The following ASIC2 variants were observed in gnomAD, a reference collection of about 807,000 sequenced individuals.
The protein encoded by ASIC2 is acid sensing ion channel subunit 2.
ASIC2 carries 25 observed loss-of-function variants against 57.3 expected under a neutral mutation model. That is an observed-to-expected ratio of 0.44 (90% CI 0.32 to 0.61). The LOEUF (loss-of-function observed/expected upper bound fraction) is 0.61, where lower values mean the gene tolerates loss of function less well. ASIC2 is among the 20% of genes least tolerant of loss of function. The probability of loss-of-function intolerance (pLI) is 0.06; values close to 1 mark genes in which losing one functional copy is unlikely to be tolerated. For synonymous variants in ASIC2, 319 were observed against 307.5 expected, an observed-to-expected ratio of 1.04 and a Z score of -0.39; for missense variants, 641 against 738.1, an observed-to-expected ratio of 0.87 and a Z score of 1.52.
chr17:33,031,929 T>C (rs2091885424), intron 3 of ASIC2, among the ~76,000 whole-genome samples: 1 of 152,232 alleles, frequency 6.6e-6, no homozygotes, highest in Non-Finnish European at 1.5e-5. Context: ...ACTATTTATC[T>C]TTTTCCATCT....
chr17:33,143,647 G>A (rs956083551), intron 1 of ASIC2, among the ~76,000 whole-genome samples: 2 of 152,046 alleles, frequency 1.3e-5, no homozygotes, highest in African/African-American at 4.8e-5. Flanking sequence ...CTATACTACC[G>A]AATCTTTTAC....
chr17:33,179,690 G>C (rs1905899976), intron 1 of ASIC2, among the ~76,000 whole-genome samples: 1 of 152,192 alleles, frequency 6.6e-6, no homozygotes, highest in Non-Finnish European at 1.5e-5. Context: ...TGAAGAGTCT[G>C]AGATTACAAA....
chr17:34,106,436 A>C (rs893632956), intron 1 of ASIC2, among the ~76,000 whole-genome samples: 1 of 151,932 alleles, frequency 6.6e-6, no homozygotes, highest in Non-Finnish European at 1.5e-5. Context: ...AAGCTCCAGC[A>C]CTCCTTCCAT....
intron 1 of ASIC2, among the ~76,000 whole-genome samples, chr17:33,754,104 C>A (rs936107812): frequency 1.3e-5 from 2 of 152,096 alleles, no homozygotes; most frequent in Non-Finnish European, 2.9e-5. Flanking sequence ...CCTTCCTCCA[C>A]CCCAGCCTCC....
At chr17:34,039,303 G>A in intron 1 of ASIC2, 1 of 1,613,964 alleles carries the variant, frequency 6.2e-7, no homozygotes, top group Middle Eastern at 1.7e-4. Flanking sequence ...AATGCTCTGT[G>A]TTGCCAGATC....
chr17:33,933,091 G>A (rs2141973060), intron 1 of ASIC2, among the ~76,000 whole-genome samples: 1 of 152,234 alleles, frequency 6.6e-6, no homozygotes, highest in African/African-American at 2.4e-5. Flanking sequence ...TATGTCTCCT[G>A]GAGCTCCAGT....
At chr17:33,200,193 G>A (rs1220944577) in intron 1 of ASIC2, among the ~76,000 whole-genome samples, 1 of 152,126 alleles carries the variant, frequency 6.6e-6, no homozygotes, top group Non-Finnish European at 1.5e-5. Flanking sequence ...CACTGAAATG[G>A]CTTTTTCTTC....
At chr17:33,711,697 G>A (rs116070442) in intron 1 of ASIC2, among the ~76,000 whole-genome samples, 174 of 152,194 alleles carry the variant, frequency 1.1e-3, no homozygotes, top group African/African-American at 4.2e-3. Context: ...AGTGAAGGGG[G>A]AAATGCCACT....
chr17:33,985,137 T>C (rs573456927), intron 1 of ASIC2, among the ~76,000 whole-genome samples: 7 of 152,252 alleles, frequency 4.6e-5, no homozygotes, highest in African/African-American at 1.4e-4. Flanking sequence ...CATGATGAAT[T>C]ATTAAAGGCA....
intron 1 of ASIC2, among the ~76,000 whole-genome samples, chr17:34,147,824 A>C (rs1347524113): frequency 2.0e-5 from 3 of 152,196 alleles, no homozygotes; most frequent in Non-Finnish European, 2.9e-5. Context: ...CTCAGGTGGT[A>C]TCGTTTTAGT....
chr17:33,362,015 G>T (rs996551854), intron 1 of ASIC2, among the ~76,000 whole-genome samples: 1 of 152,078 alleles, frequency 6.6e-6, no homozygotes, highest in Admixed American at 6.6e-5. Flanking sequence ...AAATTTAGAG[G>T]TTGGCACTAG....
intron 1 of ASIC2, among the ~76,000 whole-genome samples, chr17:33,656,448 A>G (rs1269944241): frequency 6.6e-6 from 1 of 152,174 alleles, no homozygotes; most frequent in Non-Finnish European, 1.5e-5. Flanking sequence ...GCCTAAGACC[A>G]ACACGTTCCT....
At chr17:34,066,347 C>G (rs1410554657) in intron 1 of ASIC2, among the ~76,000 whole-genome samples, 1 of 152,186 alleles carries the variant, frequency 6.6e-6, no homozygotes, top group South Asian at 2.1e-4. Flanking sequence ...TTAGAACCAC[C>G]TGGGGAGTTC....
At chr17:33,200,768 G>C (rs912687781) in intron 1 of ASIC2, among the ~76,000 whole-genome samples, 2 of 152,148 alleles carry the variant, frequency 1.3e-5, no homozygotes, top group African/African-American at 4.8e-5. Flanking sequence ...ACAGCAGTCA[G>C]AGTGATCCTG....
intron 1 of ASIC2, among the ~76,000 whole-genome samples, chr17:33,240,738 C>T (rs1366751678): frequency 3.9e-5 from 6 of 152,080 alleles, no homozygotes; most frequent in Admixed American, 2.0e-4. Context: ...CCCAATCCTG[C>T]GGGGTCCGTG....
chr17:33,485,892 C>T (rs1407160598), intron 1 of ASIC2, among the ~76,000 whole-genome samples: 1 of 152,244 alleles, frequency 6.6e-6, no homozygotes, highest in Admixed American at 6.5e-5. Flanking sequence ...AGTGACCAGA[C>T]TTGAGCCTTC....
At position 33,197,365 on chromosome 17, in the gene ASIC2, G is replaced by T. The variant is rs539150379; in HGVS notation, c.709-85298C>A. Among the ~76,000 whole-genome samples the T allele has an allele frequency of 9.2e-5, 14 of 152,190 alleles. No individual in the cohort carries two copies. The East Asian group carries it at 2.7e-3, about 29-fold the overall frequency. ...ATTACCCGTATACATAGGTAAGAGGGGCCCTGCTCTGGGCCCCACACTTTC... is the reference window on the plus strand; with the variant it reads ...ATTACCCGTATACATAGGTAAGAGGTGCCCTGCTCTGGGCCCCACACTTTC... On this transcript the variant is annotated intron_variant, in intron 1 of 9. Coordinates refer to ENST00000225823, the MANE Select transcript of ASIC2 (RefSeq NM_183377.2).
intron 1 of ASIC2, among the ~76,000 whole-genome samples, chr17:33,867,219 C>A (rs1914265230): frequency 6.6e-6 from 1 of 151,974 alleles, no homozygotes; most frequent in African/African-American, 2.4e-5. Flanking sequence ...TCTGCTATAT[C>A]TAAAAAATAT....
intron 1 of ASIC2, among the ~76,000 whole-genome samples, chr17:33,818,022 T>C (rs1912638372): frequency 6.6e-6 from 1 of 152,196 alleles, no homozygotes; most frequent in Non-Finnish European, 1.5e-5. Context: ...AGACAGAGCC[T>C]GATAGAAGCT....
Sources: gnomAD v4.1 joint callset for allele counts (sites outside exome capture counted in the v4.1 genomes callset) on GRCh38, gnomAD v4.1.1 for gene constraint, MANE v1.5 for transcripts, NCBI Gene and HGNC (gene_info 2026-07-23, HGNC 2026-07-21) for gene names.